Variants in FAAH2 observed in about 807,000 individuals in gnomAD.
The protein encoded by FAAH2 is fatty-acid amide hydrolase 2.
In FAAH2, 60 loss-of-function variants were observed where a neutral mutation model predicts 36.9. The observed-to-expected ratio is 1.63, with a 90% confidence interval of 1.32 to 2.02. The LOEUF is 2.02. Ranked by LOEUF, FAAH2 falls within the 30% of genes most tolerant of loss-of-function variation. FAAH2 has a pLI of 0.00. For missense variants in FAAH2, 689 were observed against 397.5 expected, an observed-to-expected ratio of 1.73 and a Z score of -6.23; for synonymous variants, 214 against 143.8, an observed-to-expected ratio of 1.49 and a Z score of -3.49.
chrX:57,133,010 C>CCAGA, the FAAH2 span, among the ~76,000 whole-genome samples: 3 of 111,537 alleles, frequency 2.7e-5, no homozygotes, highest in Non-Finnish European at 5.6e-5. Context: ...TGCTCCTTCC[C>CCAGA]CAGACAGCTA....
At chrX:57,216,566 G>GTATA in the FAAH2 span, among the ~76,000 whole-genome samples, 4,296 of 17,686 alleles carry the variant, frequency 0.24, 884 homozygotes, top group Middle Eastern at 0.33. Flanking sequence ...ATATATATAC[G>GTATA]TATATGTATA....
At chrX:57,296,193 G>A (rs983984287) in intron 2 of FAAH2, among the ~76,000 whole-genome samples, 1 of 112,088 alleles carries the variant, frequency 8.9e-6, no homozygotes. Context: ...CTAACTGGGA[G>A]GCACCCCTCA....
At position 57,394,070 on chromosome X, in the gene FAAH2, G is replaced by A. The variant is rs2055232741; in HGVS notation, c.996+13041G>A. The stretch of plus-strand genomic sequence containing the variant: ...TTCATGAAATATCTGAGCATCAATA[G>A]CCGCAGCAACAAGGTTATTAGATAC... On this transcript the variant is annotated intron_variant, in intron 7 of 10. Transcript: ENST00000374900. 5.5e-6 allele frequency: 4 copies of A among 732,199 alleles called. No individual in the cohort carries two copies. The Admixed American group carries it at 6.6e-5, about 12-fold the overall frequency. 60.3% of individuals were successfully genotyped at this position (732,199 alleles called of 1,213,427 possible).
At chrX:57,122,957 C>T in the FAAH2 span, among the ~76,000 whole-genome samples, 1 of 111,680 alleles carries the variant, frequency 9.0e-6, no homozygotes, top group South Asian at 3.8e-4. Flanking sequence ...AAGCAATTTG[C>T]AGATATGTCA....
chrX:57,421,595 G>A (rs891155436), intron 7 of FAAH2, among the ~76,000 whole-genome samples: 3 of 111,077 alleles, frequency 2.7e-5, no homozygotes, highest in Non-Finnish European at 5.7e-5. Flanking sequence ...TTCTTATAAG[G>A]CCACAGTCCT....
intron 5 of FAAH2, among the ~76,000 whole-genome samples, chrX:57,342,691 T>C (rs1016726259): frequency 3.8e-4 from 42 of 110,835 alleles, no homozygotes; most frequent in Admixed American, 3.4e-3. Flanking sequence ...TGTGTGTCCA[T>C]GTGGTTTGGT....
chrX:57,209,466 A>T, the FAAH2 span, among the ~76,000 whole-genome samples: 1 of 110,897 alleles, frequency 9.0e-6, no homozygotes, highest in Non-Finnish European at 1.9e-5. Flanking sequence ...AGTGTCTAGA[A>T]ATTTCACCCA....
upstream of FAAH2, among the ~76,000 whole-genome samples, chrX:57,285,743 C>T (rs902853253): frequency 2.7e-5 from 3 of 111,896 alleles, no homozygotes; most frequent in Non-Finnish European, 5.6e-5. Flanking sequence ...TTTCAGACAC[C>T]AGTCATGAGA....
the FAAH2 span, among the ~76,000 whole-genome samples, chrX:57,140,417 C>CAAAAA: frequency 0.016 from 1,054 of 64,736 alleles, 45 homozygotes; most frequent in African/African-American, 0.065. Context: ...CCATCTCTAC[C>CAAAAA]AAAAAAAAAA....
chrX:57,451,302 G>A (rs1369786793), intron 10 of FAAH2, among the ~76,000 whole-genome samples: 2 of 111,439 alleles, frequency 1.8e-5, no homozygotes, highest in African/African-American at 3.3e-5. Flanking sequence ...TTGTTCTTCT[G>A]CCTCACTTAG....
chrX:57,210,078 C>T, the FAAH2 span, among the ~76,000 whole-genome samples: 27 of 110,975 alleles, frequency 2.4e-4, no homozygotes, highest in East Asian at 8.5e-4. Context: ...TACAACTCTT[C>T]GTTCCTCACC....
At chrX:57,439,560 A>G (rs183967024) in intron 8 of FAAH2, among the ~76,000 whole-genome samples, 308 of 110,388 alleles carry the variant, frequency 2.8e-3, no homozygotes, top group African/African-American at 9.6e-3. Context: ...TTGCCTGTTC[A>G]CTCTGATGGT....
At chrX:57,446,656 A>C (rs1476829978) in intron 8 of FAAH2, among the ~76,000 whole-genome samples, 1 of 111,980 alleles carries the variant, frequency 8.9e-6, no homozygotes, top group East Asian at 2.8e-4. Context: ...TGGATATTTC[A>C]TGTGAATAGG....
At chrX:57,269,016 T>G in the FAAH2 span, among the ~76,000 whole-genome samples, 8 of 111,194 alleles carry the variant, frequency 7.2e-5, no homozygotes, top group African/African-American at 2.6e-4. Context: ...ATGTCACACA[T>G]AGGCTCAAAT....
At chrX:57,427,582 G>A (rs1327910903) in intron 7 of FAAH2, among the ~76,000 whole-genome samples, 1 of 111,548 alleles carries the variant, frequency 9.0e-6, no homozygotes, top group Non-Finnish European at 1.9e-5. Flanking sequence ...TTAACCCAGA[G>A]ATGAAAGGAT....
At chrX:57,402,866 TCTC>T (rs1458285102) in intron 7 of FAAH2, among the ~76,000 whole-genome samples, 1 of 112,126 alleles carries the variant, frequency 8.9e-6, no homozygotes, top group Non-Finnish European at 1.9e-5. Context: ...GGGGAACTAT[TCTC>T]TTTCCTCTGT....
intron 9 of FAAH2, among the ~76,000 whole-genome samples, chrX:57,447,448 C>T (rs112138922): frequency 0.082 from 9,080 of 110,659 alleles, 874 homozygotes; most frequent in African/African-American, 0.27. Flanking sequence ...AGCTTCAACC[C>T]CACATTTCCC....
chrX:57,123,725 G>A, the FAAH2 span, among the ~76,000 whole-genome samples: 2 of 112,259 alleles, frequency 1.8e-5, no homozygotes, highest in Admixed American at 1.9e-4. Context: ...TCTCATTGTG[G>A]TTTTGATTTG....
intron 7 of FAAH2, among the ~76,000 whole-genome samples, chrX:57,412,694 G>A (rs2055732103): frequency 8.9e-6 from 1 of 112,011 alleles, no homozygotes; most frequent in African/African-American, 3.2e-5. Context: ...ATGTGTGTGT[G>A]TGTCTTTATA....
Sources: gnomAD v4.1 joint callset for allele counts (sites outside exome capture counted in the v4.1 genomes callset) on GRCh38, gnomAD v4.1.1 for gene constraint, MANE v1.5 for transcripts, NCBI Gene and HGNC (gene_info 2026-07-23, HGNC 2026-07-21) for gene names.